AIPL1: variants seen among roughly 807,000 people sequenced by gnomAD.
AIPL1 encodes aryl-hydrocarbon-interacting protein-like 1.
A neutral mutation model predicts 32.9 loss-of-function variants in AIPL1; 23 were observed. The ratio of observed to expected loss-of-function variants is 0.70; its 90% CI spans 0.50 to 0.99. AIPL1 has a LOEUF of 0.99. Ranked by LOEUF, AIPL1 falls within the 50% of genes least tolerant of loss-of-function variation. The pLI is 0.00. For missense variants in AIPL1, 485 were observed against 506.0 expected (o/e 0.96, Z 0.40); for synonymous variants, 210 against 209.4 (o/e 1.00, Z -0.02).
intron 5 of AIPL1, chr17:6,426,373 AAGC>A: frequency 7.0e-7 from 1 of 1,421,398 alleles, no homozygotes; most frequent in East Asian, 2.5e-5. Context: ...CTGAAATCAC[AAGC>A]TTGGCGAGCT....
intron 2 of AIPL1, 145 bp downstream of exon 2, chr17:6,433,774 C>T: frequency 9.5e-7 from 1 of 1,057,956 alleles, no homozygotes. Context: ...TTCACATGCA[C>T]AGCGGTGGGG....
Position 6,425,029 on chromosome 17 carries a change from A to G in AIPL1, c.*431T>C, listed in dbSNP as rs1001510819. ...TAGAGAGCTCTAAGTGTCCTGCGTA[A>G]AGTTACAAAAATCACCGAGATGACC... On this transcript the variant is annotated 3_prime_UTR_variant, in exon 6 of 6. Transcript: ENST00000381129. The G allele has an allele frequency of 5.0e-5, 8 of 160,818 alleles. No homozygotes were observed. The highest frequency in any genetic ancestry group is 1.7e-4 in the African/African-American group (7 of 41,576). 10.0% of individuals were successfully genotyped at this position (160,818 alleles called of 1,614,324 possible).
intron 2 of AIPL1, among the ~76,000 whole-genome samples, chr17:6,429,542 G>C (rs944575610): frequency 2.8e-4 from 42 of 152,214 alleles, no homozygotes; most frequent in Admixed American, 4.6e-4. Context: ...TGCAGGGAGG[G>C]GCCACCTTTG....
Position 6,425,415 on chromosome 17 carries a change from C to A in AIPL1, c.*45G>T, listed in dbSNP as rs774113245. 1 of 1,546,456 alleles carries A rather than the reference C, an allele frequency of 6.5e-7. No homozygotes were observed. Among genetic ancestry groups the A allele is most frequent in the South Asian group, 1.2e-5 (1 of 83,438 alleles). ...CCTGGTCAATCGAACCAGAAGTGAC[C>A]AGGCCACTTGCTCCCTGCCTGGGTG... is the stretch of plus-strand genomic sequence containing the variant. On this transcript the variant is annotated 3_prime_UTR_variant, in exon 6 of 6. Coordinates refer to ENST00000381129, the MANE Select transcript of AIPL1 (RefSeq NM_014336.5).
chr17:6,434,000 G>A lies in AIPL1; in HGVS notation c.195C>T (p.Asn65=). The A allele has an allele frequency of 6.2e-7, 1 of 1,613,574 alleles. No individual in the cohort carries two copies. Among genetic ancestry groups the A allele is most frequent in the Non-Finnish European group, 8.5e-7 (1 of 1,179,988 alleles). ...VGQPMHIIIG[N]MFKLEVWEIL... The stretch of plus-strand genomic sequence containing the variant: ...TCTCCCAGACCTCGAGCTTGAACAT[G>A]TTTCCGATGATGATGTGCATGGGCT... Residue 65 remains asparagine (N), a synonymous_variant, in exon 2 of 6, where the codon AAC becomes AAT. Coordinates refer to ENST00000381129, the MANE Select transcript of AIPL1 (RefSeq NM_014336.5).
At chr17:6,433,818 G>T in intron 2 of AIPL1, 101 bp downstream of exon 2, 2 of 1,430,008 alleles carry the variant, frequency 1.4e-6, no homozygotes, top group Non-Finnish European at 1.9e-6. Flanking sequence ...GCAAAGCTTC[G>T]CTTGAGTCCC....
At chr17:6,429,800 A>ATAGG (rs35892779) in intron 2 of AIPL1, among the ~76,000 whole-genome samples, 135 of 149,050 alleles carry the variant, frequency 9.1e-4, no homozygotes, top group Admixed American at 2.4e-3. Context: ...TTCTAACTAG[A>ATAGG]TAGGTAGGTA....
chr17:6,426,018 C>G, intron 5 of AIPL1, 188 bp from the exon 6 acceptor site: 1 of 1,030,362 alleles, frequency 9.7e-7, no homozygotes, highest in Non-Finnish European at 1.4e-6. Flanking sequence ...AGTACCTCCT[C>G]CTCTCCTTTT....
intron 3 of AIPL1, among the ~76,000 whole-genome samples, chr17:6,428,055 G>C (rs948025932): frequency 3.1e-4 from 47 of 150,254 alleles, no homozygotes; most frequent in African/African-American, 1.1e-3. Flanking sequence ...CCTGACCTCA[G>C]GTGATCCAAC....
intron 1 of AIPL1, 93 bp from the exon 2 acceptor site, chr17:6,434,191 A>G: frequency 1.4e-6 from 2 of 1,406,092 alleles, no homozygotes; most frequent in Non-Finnish European, 2.0e-6. Context: ...GGCTGTCCCC[A>G]GGGTCAGCTC....
rs1003188440 is a variant in AIPL1, at chr17:6,425,311, T to G, written c.*149A>C. 21 of 747,002 alleles carry G rather than the reference T, an allele frequency of 2.8e-5. No individual in the cohort carries two copies. The Middle Eastern group carries it at 1.6e-3, about 55-fold the overall frequency. The allele number at this position is 747,002 out of a possible 1,614,324, so 46.3% of individuals were successfully genotyped here. ...CTCTTCTGTACCCTTGGGATTGTTTTTTTTTTTTTTTTTACCATGGGTGTG... is the reference window on the plus strand; with the variant it reads ...CTCTTCTGTACCCTTGGGATTGTTTGTTTTTTTTTTTTTACCATGGGTGTG... On this transcript the variant is annotated 3_prime_UTR_variant, in exon 6 of 6. Coordinates refer to ENST00000381129, the MANE Select transcript of AIPL1 (RefSeq NM_014336.5).
chr17:6,425,766 G>T lies in AIPL1; in HGVS notation c.849C>A (p.Ala283=). The T allele has an allele frequency of 6.2e-7, 1 of 1,606,794 alleles. No individual in the cohort carries two copies. ...AHAEVWNEAE[A]KADLQKVLEL... ...CCAGCACTTTCTGGAGGTCCGCCTT[G>T]GCCTCGGCCTCATTCCACACCTCTG... Residue 283 remains alanine, a synonymous_variant, in exon 6 of 6, where the codon GCC becomes GCA. Coordinates refer to ENST00000381129, the MANE Select transcript of AIPL1 (RefSeq NM_014336.5).
At position 6,425,561 on chromosome 17, in the gene AIPL1, C is replaced by T. The variant is rs751700711; in HGVS notation, c.1054G>A (p.Ala352Thr). The change falls in exon 6 of 6, where the codon GCA (alanine) becomes ACA (threonine). Residue 352 changes from alanine to threonine, a missense_variant. Coordinates refer to ENST00000381129, the MANE Select transcript of AIPL1 (RefSeq NM_014336.5). ...PPAQSSTEPPAEPPTAPSAEL... is the reference protein window; with the variant it reads ...PPAQSSTEPPTEPPTAPSAEL... The stretch of plus-strand genomic sequence containing the variant: ...GCAGATGGTGCTGTGGGTGGCTCTG[C>T]AGGTGGCTCTGTGGATGACTGTGCG... 41 of 1,610,518 alleles carry T rather than the reference C, an allele frequency of 2.5e-5. No homozygotes were observed. The highest frequency in any genetic ancestry group is 7.6e-6 in the Non-Finnish European group (9 of 1,178,310).
intron 2 of AIPL1, among the ~76,000 whole-genome samples, chr17:6,431,824 A>G (rs16955857): frequency 0.041 from 6,174 of 152,288 alleles, 260 homozygotes; most frequent in South Asian, 0.11. Flanking sequence ...ATCACTGTAA[A>G]AGAGACAACC....
rs16955859 is a variant in AIPL1, at chr17:6,434,097, A to C, written c.98T>G (p.Val33Gly). ...ELPNFITGSR[V>G]IFHFRTMKCD... The stretch of plus-strand genomic sequence containing the variant: ...TTTCATGGTGCGGAAATGAAAGATC[A>C]CCTAGTCACCGAGACGGTGCACTCT... The change falls in exon 2 of 6, where the codon GTG (valine) becomes GGG (glycine). Residue 33 changes from valine (V) to glycine (G), a missense_variant and splice_region_variant. Coordinates refer to ENST00000381129, the MANE Select transcript of AIPL1 (RefSeq NM_014336.5). 34 of 1,612,852 alleles carry C rather than the reference A, an allele frequency of 2.1e-5. No homozygotes were observed. The African/African-American group carries it at 4.5e-4, about 22-fold the overall frequency.
Position 6,425,678 on chromosome 17 carries a change from C to A in AIPL1, c.937G>T (p.Ala313Ser), listed in dbSNP as rs115681466. The A allele has an allele frequency of 1.1e-3, 1,841 of 1,610,000 alleles. 16 individuals carry two copies. In the African/African-American group the frequency reaches 0.017, roughly 14 times the overall value. Residue 313 changes from alanine (A) to serine (S), a missense_variant, in exon 6 of 6, where the codon GCG becomes TCG. Transcript: ENST00000381129. ...RELRLLENRM[A>S]EKQEEERLRC... ...AGCCGCTCCTCCTCCTGCTTCTCCG[C>A]CATGCGGTTCTCCAGCAGCCTCAGC...
At position 6,428,017 on chromosome 17, in the gene AIPL1, A is replaced by G. The variant is rs58197249; in HGVS notation, c.465+301T>C. 0.31 allele frequency among the ~76,000 whole-genome samples: 46,433 copies of G among 151,890 alleles called. 7,229 individuals carry two copies. Among genetic ancestry groups the G allele is most frequent in the Middle Eastern group, 0.44 (128 of 292 alleles). ...GTGTTTTTAATAGAGACGGGGTTTTACCATGTTGGCCAGGCTGGTCTCGAA... is the reference window on the plus strand; with the variant it reads ...GTGTTTTTAATAGAGACGGGGTTTTGCCATGTTGGCCAGGCTGGTCTCGAA... On this transcript the variant is annotated intron_variant, in intron 3 of 5. Coordinates refer to ENST00000381129, the MANE Select transcript of AIPL1 (RefSeq NM_014336.5).
intron 5 of AIPL1, chr17:6,426,178 A>G: frequency 7.8e-7 from 1 of 1,284,474 alleles, no homozygotes; most frequent in Non-Finnish European, 9.9e-7. Context: ...TAATAAACGC[A>G]GACGACGTGT....
chr17:6,425,314 T>C lies in AIPL1; in HGVS notation c.*146A>G. 1 of 1,081,446 alleles carries C rather than the reference T, an allele frequency of 9.2e-7. No individual in the cohort carries two copies. The allele number at this position is 1,081,446 out of a possible 1,614,324, so 67.0% of individuals were successfully genotyped here. On this transcript the variant is annotated 3_prime_UTR_variant, in exon 6 of 6. Transcript: ENST00000381129. Reference sequence around the variant, plus strand: ...TTCTGTACCCTTGGGATTGTTTTTTTTTTTTTTTTTACCATGGGTGTGTCT... The same window carrying C: ...TTCTGTACCCTTGGGATTGTTTTTTCTTTTTTTTTTACCATGGGTGTGTCT...
Sources: gnomAD v4.1 joint callset for allele counts (sites outside exome capture counted in the v4.1 genomes callset) on GRCh38, gnomAD v4.1.1 for gene constraint, MANE v1.5 for transcripts, NCBI Gene and HGNC (gene_info 2026-07-23, HGNC 2026-07-21) for gene names.